The following IL16 variants were observed in gnomAD, a reference collection of about 807,000 sequenced individuals.
The protein encoded by IL16 is interleukin 16, also known as pro-interleukin-16.
Under a neutral mutation model 110.1 loss-of-function variants are expected in IL16, and 67 were observed. The ratio of observed to expected loss-of-function variants is 0.61; its 90% confidence interval spans 0.50 to 0.75. The LOEUF is 0.75. Ranked by LOEUF, IL16 falls within the 30% of genes least tolerant of loss-of-function variation. IL16 has a pLI of 0.00. For missense variants in IL16, 1,545 were observed against 1,655.0 expected, an observed-to-expected ratio of 0.93 and a Z score of 1.15; for synonymous variants, 689 against 662.9, an observed-to-expected ratio of 1.04 and a Z score of -0.61.
chr15:81,303,166 C>A lies in IL16; in HGVS notation c.3319-383C>A. The A allele has an allele frequency of 5.6e-6, 1 of 178,554 alleles. No individual in the cohort carries two copies. The highest frequency in any genetic ancestry group is 1.2e-5 in the Non-Finnish European group (1 of 86,062). The allele number at this position is 178,554 out of a possible 1,614,324, so 11.1% of individuals were successfully genotyped here. A position where few individuals can be genotyped will look rare whatever the true frequency, so the allele number is the denominator to read the frequency against. On this transcript the variant is annotated intron_variant, in intron 15 of 18. Coordinates refer to ENST00000683961, the MANE Select transcript of IL16 (RefSeq NM_172217.5). The surrounding 1 kb of genome is among the most constrained non-coding windows in gnomAD (Gnocchi z 4.1). ...CCAATTCCTGCAGAACAGCACTGACCCCTGTTTTGTTTTTTGTTGTTTTTT... is the reference window on the plus strand; with the variant it reads ...CCAATTCCTGCAGAACAGCACTGACACCTGTTTTGTTTTTTGTTGTTTTTT...
intron 5 of IL16, among the ~76,000 whole-genome samples, chr15:81,272,057 C>T (rs1181611211): frequency 6.6e-6 from 1 of 152,254 alleles, no homozygotes; most frequent in African/African-American, 2.4e-5. Context: ...ACCCAAAAGC[C>T]TGGCCTCCAG....
At chr15:81,281,375 G>A (rs535067538) in intron 8 of IL16, among the ~76,000 whole-genome samples, 1 of 152,286 alleles carries the variant, frequency 6.6e-6, no homozygotes, top group South Asian at 2.1e-4. Flanking sequence ...TTCCATGTTG[G>A]TGAGCCCCAG....
intron 1 of IL16, among the ~76,000 whole-genome samples, chr15:81,204,570 A>G (rs1390600962): frequency 2.0e-5 from 3 of 152,056 alleles, no homozygotes; most frequent in African/African-American, 4.8e-5. Context: ...TTCTGCATCT[A>G]TTGAGATAAT....
At chr15:81,205,959 G>C (rs971226808) in intron 1 of IL16, among the ~76,000 whole-genome samples, 1 of 152,066 alleles carries the variant, frequency 6.6e-6, no homozygotes, top group Admixed American at 6.6e-5. Context: ...CTCAATGAAG[G>C]CATGAAAATC....
In IL16 at chr15:81,197,747, G is replaced by A. The variant is rs1012677431; in HGVS notation, c.-102+595G>A. Among the ~76,000 whole-genome samples, 14 of 151,062 alleles carry A rather than the reference G, an allele frequency of 9.3e-5. No homozygotes were observed. In the Middle Eastern group the frequency reaches 0.01, roughly 110 times the overall value. Reference sequence around the variant, plus strand: ...TGTTTGTTTGTTTTTTTCTTTTTTGGTCCATAGCAAGTTTGCTTTCTGTAG... The same window carrying A: ...TGTTTGTTTGTTTTTTTCTTTTTTGATCCATAGCAAGTTTGCTTTCTGTAG... On this transcript the variant is annotated intron_variant, in intron 1 of 18. Transcript: ENST00000683961.
In IL16 at chr15:81,292,704, A is replaced by G. The variant is rs1191878001; in HGVS notation, c.1569A>G (p.Gly523=). The G allele has an allele frequency of 5.6e-6, 9 of 1,613,928 alleles. No individual in the cohort carries two copies. Reference sequence around the variant, plus strand: ...GCTACATGTCTGGGTCCCCAGGGGGAAGTCCTGGGAGTGGCAGTGCTGAGA... The same window carrying G: ...GCTACATGTCTGGGTCCCCAGGGGGGAGTCCTGGGAGTGGCAGTGCTGAGA... ...DSSYMSGSPG[G]SPGSGSAEKP... Residue 523 remains glycine (G), a synonymous_variant, in exon 12 of 19, where the codon GGA becomes GGG. Coordinates refer to ENST00000683961, the MANE Select transcript of IL16 (RefSeq NM_172217.5).
chr15:81,212,832 T>C (rs1476735928), intron 1 of IL16, among the ~76,000 whole-genome samples: 1 of 152,156 alleles, frequency 6.6e-6, no homozygotes, highest in Admixed American at 6.6e-5. Context: ...GAAAAAACAA[T>C]TCTTGGTTTC....
chr15:81,217,738 A>G (rs183642197), intron 1 of IL16, among the ~76,000 whole-genome samples: 100 of 152,360 alleles, frequency 6.6e-4, no homozygotes, highest in African/African-American at 2.3e-3. Flanking sequence ...TAAGAAAGGC[A>G]TTAGTTTATT....
chr15:81,215,787 C>G (rs1458355001), intron 1 of IL16, among the ~76,000 whole-genome samples: 2 of 152,202 alleles, frequency 1.3e-5, no homozygotes, highest in Non-Finnish European at 2.9e-5. Context: ...CTCCCTCACT[C>G]AAGTGCCAAC....
At chr15:81,230,584 C>A (rs1242925668) in intron 2 of IL16, among the ~76,000 whole-genome samples, 1 of 152,172 alleles carries the variant, frequency 6.6e-6, no homozygotes, top group Non-Finnish European at 1.5e-5. Flanking sequence ...CTTCCCCAAC[C>A]TGAATGGCAT....
rs1227567026 is a variant in IL16, at chr15:81,299,661, G to A, written c.2335G>A (p.Val779Met). The A allele has an allele frequency of 6.2e-7, 1 of 1,614,226 alleles. No homozygotes were observed. Among genetic ancestry groups the A allele is most frequent in the African/African-American group, 1.3e-5 (1 of 75,056 alleles). ...KVYKSADSST[V>M]KKGPPVAPKP... ...TTACAAGTCAGCAGACAGCAGCACT[G>A]TGAAGAAAGGTCCTCCTGTGGCTCC... Residue 779 changes from valine to methionine, a missense_variant, in exon 14 of 19, where the codon GTG becomes ATG. Val to Met is a conservative substitution (Grantham distance 21). Around this residue, in one of 3 missense-constraint regions of IL16, gnomAD observed 1,185 missense variants for 1,238.8 expected, o/e 0.96. Transcript: ENST00000683961.
At chr15:81,305,647 G>A (rs1479216724) in intron 16 of IL16, 9 of 451,930 alleles carry the variant, frequency 2.0e-5, no homozygotes, top group South Asian at 1.1e-4. Context: ...AACTAGAATC[G>A]TGGTGGTACA....
chr15:81,243,462 G>A (rs1897422803), intron 2 of IL16, among the ~76,000 whole-genome samples: 1 of 151,674 alleles, frequency 6.6e-6, no homozygotes, highest in South Asian at 2.1e-4. Context: ...TGTTGTTATA[G>A]GCATGAGCCA....
intron 1 of IL16, among the ~76,000 whole-genome samples, chr15:81,214,577 G>A (rs1896359398): frequency 6.6e-6 from 1 of 151,606 alleles, no homozygotes; most frequent in Admixed American, 6.6e-5. Flanking sequence ...CATTGACCTT[G>A]GTGAGTCTGG....
At position 81,313,302 on chromosome 15, in the gene IL16, CG is replaced by C; in HGVS notation, c.*4507del. The C allele has an allele frequency of 6.3e-7, 1 of 1,579,386 alleles. No homozygotes were observed. Among genetic ancestry groups the C allele is most frequent in the Non-Finnish European group, 8.6e-7 (1 of 1,163,356 alleles). On this transcript the variant is annotated 3_prime_UTR_variant, in exon 19 of 19. Coordinates refer to ENST00000683961, the MANE Select transcript of IL16 (RefSeq NM_172217.5). ...TGCTTTCTGAAGGTTGGCATAAAAC[CG>C]GGTCATGCTGCGGGGGAAGAAGGAG...
Position 81,303,150 on chromosome 15 carries a change from G to C in IL16, c.3319-399G>C, listed in dbSNP as rs1347402035. 5.9e-6 allele frequency: 1 copy of C among 168,912 alleles called. No homozygotes were observed. The highest frequency in any genetic ancestry group is 1.3e-5 in the Non-Finnish European group (1 of 77,702). The allele number at this position is 168,912 out of a possible 1,614,324, so 10.5% of individuals were successfully genotyped here. A position where few individuals can be genotyped will look rare whatever the true frequency, so the allele number is the denominator to read the frequency against. On this transcript the variant is annotated intron_variant, in intron 15 of 18. Coordinates refer to ENST00000683961, the MANE Select transcript of IL16 (RefSeq NM_172217.5). This position sits in a 1 kb window ranked among gnomAD's most constrained non-coding sequence, Gnocchi z 4.1. ...AGGGAAGAAGGAGCAACCAATTCCT[G>C]CAGAACAGCACTGACCCCTGTTTTG...
chr15:81,231,324 GTCTCTCTCTCTCTCTCTCTCTCTCTC>G (rs532872365), intron 2 of IL16, among the ~76,000 whole-genome samples: 21 of 47,126 alleles, frequency 4.5e-4, no homozygotes, highest in Admixed American at 8.9e-4. Flanking sequence ...AGGTCGGTCT[GTCTCTCTCTCTCTCTCTCTCTCTCTC>G]TCTCTCTCTC....
At chr15:81,295,967 C>T (rs1042886452) in intron 12 of IL16, among the ~76,000 whole-genome samples, 6 of 152,162 alleles carry the variant, frequency 3.9e-5, no homozygotes, top group Non-Finnish European at 7.3e-5. Flanking sequence ...TGGAGGCCAC[C>T]GCAGTATAGC....
chr15:81,232,054 T>TTC (rs1897018668), intron 2 of IL16, among the ~76,000 whole-genome samples: 2 of 133,544 alleles, frequency 1.5e-5, no homozygotes, highest in Non-Finnish European at 3.1e-5. Context: ...TTTTTTTTTT[T>TTC]TTTTTTTTTT....
Sources: gnomAD v4.1 joint callset for allele counts (sites outside exome capture counted in the v4.1 genomes callset) on GRCh38, gnomAD v4.1.1 for gene constraint, gnomAD v4.1.1 regional missense constraint, Gnocchi (gnomAD v3.1) non-coding constraint, MANE v1.5 for transcripts, NCBI Gene and HGNC (gene_info 2026-07-23, HGNC 2026-07-21) for gene names.